The following SPG11 variants were observed in gnomAD, a reference collection of about 807,000 sequenced individuals.
SPG11 encodes the protein spatacsin.
Under a neutral mutation model 274.0 loss-of-function variants are expected in SPG11, and 222 were observed. The observed-to-expected ratio is 0.81, with a 90% confidence interval of 0.73 to 0.91. The LOEUF (loss-of-function observed/expected upper bound fraction) is 0.91. Ranked by LOEUF, SPG11 falls within the 40% of genes least tolerant of loss-of-function variation. The pLI is 0.00. For synonymous variants in SPG11, 1,144 were observed against 1,039.7 expected, an observed-to-expected ratio of 1.10 and a Z score of -1.93; for missense variants, 3,114 against 2,872.7, an observed-to-expected ratio of 1.08 and a Z score of -1.92.
intron 20 of SPG11, among the ~76,000 whole-genome samples, chr15:44,605,597 T>C (rs2083298107): frequency 1.3e-5 from 2 of 152,216 alleles, no homozygotes; most frequent in Non-Finnish European, 1.5e-5. Context: ...TTTATTCTCA[T>C]AGTAATGTGT....
intron 8 of SPG11, among the ~76,000 whole-genome samples, chr15:44,629,948 G>A (rs1432809777): frequency 1.3e-5 from 2 of 152,218 alleles, no homozygotes; most frequent in Non-Finnish European, 2.9e-5. Flanking sequence ...GCAGGTGCCT[G>A]TAATCCCAGC....
chr15:44,615,396 T>C lies in SPG11; in HGVS notation c.3005A>G (p.Gln1002Arg). 6.2e-7 allele frequency: 1 copy of C among 1,614,050 alleles called. No individual in the cohort carries two copies. Among genetic ancestry groups the C allele is most frequent in the Non-Finnish European group, 8.5e-7 (1 of 1,180,012 alleles). ...FILYCLEHSL[Q>R]HLLYVYLDCY... ...GTCAAGGTAGACATAAAGAAGATGC[T>C]GCAGACTGTGCTCCAAACAATAGAG... Residue 1002 changes from glutamine to arginine, a missense_variant, in exon 16 of 40, where the codon CAG becomes CGG. Gln to Arg is a conservative substitution (Grantham distance 43, BLOSUM62 1). Coordinates refer to ENST00000261866, the MANE Select transcript of SPG11 (RefSeq NM_025137.4).
chr15:44,565,987 T>C lies in SPG11; in HGVS notation c.6866A>G (p.Gln2289Arg), dbSNP rs140563925. The change falls in exon 38 of 40, where the codon CAG becomes CGG. Residue 2289 changes from glutamine (Q) to arginine (R), a missense_variant. Gln to Arg is a conservative substitution (Grantham distance 43). Transcript: ENST00000261866. ...CAACTTGGTGAGCCGCTGACAGTGC[T>C]GGGCCTGTCGCACACAGGAGTCCTG... ...YAKDSCVRQA[Q>R]HCQRLTKLIT... 3.1e-6 allele frequency: 5 copies of C among 1,613,730 alleles called. No homozygotes were observed. In the African/African-American group the frequency reaches 5.3e-5, roughly 17 times the overall value.
intron 7 of SPG11, among the ~76,000 whole-genome samples, chr15:44,641,586 TACACACACACACACACACACAC>T (rs147901004): frequency 3.6e-5 from 4 of 112,396 alleles, no homozygotes; most frequent in Admixed American, 9.6e-5. Flanking sequence ...CCAAATATCT[TACACACACACACACACACACAC>T]ACACACACAC....
intron 12 of SPG11, 78 bp downstream of exon 12, chr15:44,622,650 T>C: frequency 2.5e-6 from 3 of 1,206,778 alleles, no homozygotes. Flanking sequence ...CTTAAGGTTT[T>C]TCTTCCAAGG....
chr15:44,657,040 C>A lies in SPG11; in HGVS notation c.869+55G>T, dbSNP rs150413709. The A allele has an allele frequency of 7.6e-4, 1,119 of 1,482,090 alleles. 8 individuals are homozygous for A. The African/African-American group carries it at 0.014, about 19-fold the overall frequency. The allele number at this position is 1,482,090 out of a possible 1,614,324, so 91.8% of individuals were successfully genotyped here. A position where few individuals can be genotyped will look rare whatever the true frequency, so the allele number is the denominator to read the frequency against. ...AAAAAACTAACGAGGATATTTTTAA[C>A]CTCTTATCAGTCTAACTATTTACCT... On this transcript the variant is annotated intron_variant, in intron 4 of 39. Transcript: ENST00000261866.
rs2082374337 is a variant in SPG11 at position 44,569,490 on chromosome 15, C to T, written c.6493G>A (p.Gly2165Ser). 6.9e-6 allele frequency: 11 copies of T among 1,593,494 alleles called. No individual in the cohort carries two copies. Among genetic ancestry groups the T allele is most frequent in the South Asian group, 1.1e-5 (1 of 88,040 alleles). Residue 2165 changes from glycine to serine, a missense_variant, in exon 35 of 40, where the codon GGC (glycine) becomes AGC (serine). Physicochemically the swap from Gly to Ser is moderately conservative, Grantham distance 56. Coordinates refer to ENST00000261866, the MANE Select transcript of SPG11 (RefSeq NM_025137.4). Reference protein sequence around the residue: ...EYGLVVRLLTGIGRYNEMTYI... With the variant: ...EYGLVVRLLTSIGRYNEMTYI... ...GTCATCTCGTTGTACCTTCCAATGCCAGTGAGGAGCCGTACCTGTGAAGTG... is the reference window on the plus strand; with the variant it reads ...GTCATCTCGTTGTACCTTCCAATGCTAGTGAGGAGCCGTACCTGTGAAGTG...
At chr15:44,572,980 CTTTTTTTTTTTT>C (rs974510197) in intron 32 of SPG11, among the ~76,000 whole-genome samples, 160 bp from the exon 33 acceptor site, 4 of 83,302 alleles carry the variant, frequency 4.8e-5, no homozygotes, top group East Asian at 3.7e-4. Flanking sequence ...GACAGGAGTT[CTTTTTTTTTTTT>C]TTTTTTTTTT....
In SPG11 at chr15:44,583,927, G is replaced by T. The variant is rs368992436; in HGVS notation, c.5753C>A (p.Ala1918Asp). The T allele has an allele frequency of 9.2e-5, 149 of 1,614,052 alleles. No individual in the cohort carries two copies. The highest frequency in any genetic ancestry group is 1.2e-4 in the Non-Finnish European group (143 of 1,180,044). Residue 1918 changes from alanine to aspartate, a missense_variant, in exon 30 of 40, where the codon GCC (alanine) becomes GAC (aspartate). Transcript: ENST00000261866. ...ATCCTCCATACTAGCTTCCCCTGAG[G>T]CCAGTGCTCTGCAGTGCAATACCAA... Reference protein sequence around the residue: ...VALVLHCRALASGEASMEDLH... With the variant: ...VALVLHCRALDSGEASMEDLH...
At chr15:44,569,056 G>C (rs1451110215) in intron 35 of SPG11, among the ~76,000 whole-genome samples, 1 of 151,628 alleles carries the variant, frequency 6.6e-6, no homozygotes, top group Non-Finnish European at 1.5e-5. Context: ...TGTAATCCCA[G>C]CTACTTGGGA....
rs754919450 is a variant in SPG11, at chr15:44,622,814, GA to G, written c.2245-16del. The G allele has an allele frequency of 3.7e-6, 6 of 1,605,382 alleles. No individual in the cohort carries two copies. The highest frequency in any genetic ancestry group is 5.1e-6 in the Non-Finnish European group (6 of 1,172,576). ...ACATCAAACCCCTAAAATAAACATA[GA>G]AAACCAAAAAAAGTTACATTTTGTA... On this transcript the variant is annotated splice_polypyrimidine_tract_variant and intron_variant, in intron 11 of 39. Coordinates refer to ENST00000261866, the MANE Select transcript of SPG11 (RefSeq NM_025137.4).
At chr15:44,604,648 G>T (rs1219723933) in intron 20 of SPG11, among the ~76,000 whole-genome samples, 1 of 152,064 alleles carries the variant, frequency 6.6e-6, no homozygotes, top group East Asian at 1.9e-4. Context: ...ATATGTATTG[G>T]TTGGGTGCGG....
chr15:44,661,000 G>A lies in SPG11; in HGVS notation c.258-384C>T, dbSNP rs1191423057. Among the ~76,000 whole-genome samples the A allele has an allele frequency of 2.6e-5, 4 of 152,058 alleles. No homozygotes were observed. The East Asian group carries it at 7.7e-4, about 29-fold the overall frequency. ...GGTATTCACAATAAAATAGGCTTTT[G>A]ATAACTTAAATGTTTTGACTTTTAA... On this transcript the variant is annotated intron_variant, in intron 1 of 39. Transcript: ENST00000261866.
intron 11 of SPG11, among the ~76,000 whole-genome samples, chr15:44,625,600 C>CTT (rs1191007310): frequency 6.6e-6 from 1 of 152,146 alleles, no homozygotes; most frequent in Non-Finnish European, 1.5e-5. Context: ...AGCCATGCTT[C>CTT]TTGTATAGCC....
chr15:44,654,216 T>G (rs1370801654), intron 4 of SPG11, among the ~76,000 whole-genome samples: 1 of 152,194 alleles, frequency 6.6e-6, no homozygotes, highest in African/African-American at 2.4e-5. Flanking sequence ...TACCATAAAT[T>G]ATGCACAAAT....
At position 44,596,236 on chromosome 15, in the gene SPG11, G is replaced by C. The variant is rs773871445; in HGVS notation, c.4281C>G (p.Cys1427Trp). ...KMDSDQVCNK[C>W]PQELQGSKQE... ...GTTTGCTTCCTTGAAGTTCCTGGGG[G>C]CACTTATTGCAGACTTGATCGCTGT... Residue 1427 changes from cysteine to tryptophan, a missense_variant, in exon 25 of 40, where the codon TGC becomes TGG. Cys to Trp is a radical substitution (Grantham distance 215, BLOSUM62 -2). Transcript: ENST00000261866. 8.7e-6 allele frequency: 14 copies of C among 1,614,178 alleles called. No homozygotes were observed. The South Asian group carries it at 1.5e-4, about 18-fold the overall frequency.
At chr15:44,649,592 A>G (rs1487971250) in intron 6 of SPG11, among the ~76,000 whole-genome samples, 1 of 152,018 alleles carries the variant, frequency 6.6e-6, no homozygotes, top group African/African-American at 2.4e-5. Context: ...AATGCATTTT[A>G]TGAAATAGCA....
At chr15:44,626,607 C>T in intron 10 of SPG11, 100 bp from the exon 11 acceptor site, 1 of 1,248,886 alleles carries the variant, frequency 8.0e-7, no homozygotes, top group Non-Finnish European at 1.1e-6. Flanking sequence ...AACAAAGGAA[C>T]TTTTATTTAA....
In SPG11 at chr15:44,639,429, C is replaced by G. The variant is rs115855389; in HGVS notation, c.1603-5792G>C. Among the ~76,000 whole-genome samples, 411 of 152,112 alleles carry G rather than the reference C, an allele frequency of 2.7e-3. 3 individuals are homozygous for G. Among genetic ancestry groups the G allele is most frequent in the African/African-American group, 9.4e-3 (390 of 41,466 alleles). On this transcript the variant is annotated intron_variant, in intron 7 of 39. Transcript: ENST00000261866. Reference sequence around the variant, plus strand: ...ATTAAGAAAAAAGGTGGTAGCTAGGCGTGGTGGTTCACGCCCGTAATCCCA... The same window carrying G: ...ATTAAGAAAAAAGGTGGTAGCTAGGGGTGGTGGTTCACGCCCGTAATCCCA...
Sources: gnomAD v4.1 joint callset for allele counts (sites outside exome capture counted in the v4.1 genomes callset) on GRCh38, gnomAD v4.1.1 for gene constraint, MANE v1.5 for transcripts, NCBI Gene and HGNC (gene_info 2026-07-23, HGNC 2026-07-21) for gene names.